DHX36: variants seen among roughly 807,000 people sequenced by gnomAD.
The protein encoded by DHX36 is ATP-dependent DNA/RNA helicase DHX36.
In DHX36, 50 loss-of-function variants were observed where a neutral mutation model predicts 139.0. That is an observed-to-expected ratio of 0.36 (90% confidence interval 0.29 to 0.46). The LOEUF is 0.46. Ranked by LOEUF, DHX36 falls within the 20% of genes least tolerant of loss-of-function variation. DHX36 has a pLI of 1.00. For missense variants in DHX36, 1,024 were observed against 1,211.3 expected, an observed-to-expected ratio of 0.85 and a Z score of 2.29; for synonymous variants, 425 against 401.9, an observed-to-expected ratio of 1.06 and a Z score of -0.69.
At chr3:154,317,472 G>A (rs963913824) in intron 1 of DHX36, among the ~76,000 whole-genome samples, 5 of 151,932 alleles carry the variant, frequency 3.3e-5, no homozygotes, top group Non-Finnish European at 5.9e-5. Flanking sequence ...GAGGACAGAC[G>A]GATGACCAAG....
At chr3:154,319,701 C>G (rs970165523) in intron 1 of DHX36, among the ~76,000 whole-genome samples, 1 of 152,090 alleles carries the variant, frequency 6.6e-6, no homozygotes, top group Non-Finnish European at 1.5e-5. Context: ...TGGTTTGCTT[C>G]TTTTAGTAAT....
At chr3:154,281,227 G>A (rs1559944675) in intron 20 of DHX36, among the ~76,000 whole-genome samples, 1 of 151,972 alleles carries the variant, frequency 6.6e-6, no homozygotes, top group Non-Finnish European at 1.5e-5. Flanking sequence ...TTTTGTGAAA[G>A]ACTAATAGAA....
At chr3:154,304,260 T>C (rs1467830712) in intron 8 of DHX36, among the ~76,000 whole-genome samples, 1 of 152,200 alleles carries the variant, frequency 6.6e-6, no homozygotes, top group Non-Finnish European at 1.5e-5. Context: ...TGAGGATTAA[T>C]TTTAAAAGAA....
Position 154,295,270 on chromosome 3 carries a change from T to A in DHX36, c.1605+14A>T. The A allele has an allele frequency of 6.7e-7, 1 of 1,501,698 alleles. No homozygotes were observed. Among genetic ancestry groups the A allele is most frequent in the Non-Finnish European group, 9.1e-7 (1 of 1,103,236 alleles). The allele number at this position is 1,501,698 out of a possible 1,614,324, so 93.0% of individuals were successfully genotyped here. A position where few individuals can be genotyped will look rare whatever the true frequency, so the allele number is the denominator to read the frequency against. On this transcript the variant is annotated intron_variant, in intron 13 of 24. Transcript: ENST00000496811. Reference sequence around the variant, plus strand: ...GTTTGAAATACATTTAACAAATGTATCCATTTAACATACCTGTGTCTGGTT... The same window carrying A: ...GTTTGAAATACATTTAACAAATGTAACCATTTAACATACCTGTGTCTGGTT...
At chr3:154,313,403 G>A (rs1712845133) in intron 3 of DHX36, among the ~76,000 whole-genome samples, 2 of 152,168 alleles carry the variant, frequency 1.3e-5, no homozygotes, top group South Asian at 4.1e-4. Flanking sequence ...AGCATAACTG[G>A]CTGGTGTGGC....
At chr3:154,317,708 G>T (rs1559960929) in intron 1 of DHX36, among the ~76,000 whole-genome samples, 1 of 152,054 alleles carries the variant, frequency 6.6e-6, no homozygotes. Flanking sequence ...GGTATTTTTG[G>T]TTTTTGAGGT....
intron 5 of DHX36, among the ~76,000 whole-genome samples, chr3:154,307,212 G>T (rs1478584312): frequency 6.6e-6 from 1 of 151,984 alleles, no homozygotes; most frequent in Non-Finnish European, 1.5e-5. Flanking sequence ...CATTGGTCTA[G>T]GCAAAGAATT....
chr3:154,275,163 T>A lies in DHX36; in HGVS notation c.*1008A>T, dbSNP rs442480. 0.91 allele frequency: 137,855 copies of A among 152,210 alleles called. 62,657 individuals carry two copies. The highest frequency in any genetic ancestry group is 1 in the East Asian group (5,145 of 5,156). The allele number at this position is 152,210 out of a possible 1,614,324, so 9.4% of individuals were successfully genotyped here. A position where few individuals can be genotyped will look rare whatever the true frequency, so the allele number is the denominator to read the frequency against. Reference sequence around the variant, plus strand: ...TTCCAACCCCAACCCCTCAAATACCTAAATCCATGGATGCTCAAGTCTTTT... The same window carrying A: ...TTCCAACCCCAACCCCTCAAATACCAAAATCCATGGATGCTCAAGTCTTTT... On this transcript the variant is annotated 3_prime_UTR_variant, in exon 25 of 25. Transcript: ENST00000496811.
chr3:154,286,990 T>C (rs1559947208), intron 17 of DHX36, among the ~76,000 whole-genome samples: 2 of 152,030 alleles, frequency 1.3e-5, no homozygotes, highest in Non-Finnish European at 2.9e-5. Flanking sequence ...TTTGTTCCAC[T>C]AGAAAACAAG....
Position 154,276,085 on chromosome 3 carries a change from T to C in DHX36, c.*86A>G. On this transcript the variant is annotated 3_prime_UTR_variant, in exon 25 of 25. Coordinates refer to ENST00000496811, the MANE Select transcript of DHX36 (RefSeq NM_020865.3). ...ACCTTACACATGAAAATTGTTCATGTCCCAGGGTTTGGCATCCAGCCAAAA... is the reference window on the plus strand; with the variant it reads ...ACCTTACACATGAAAATTGTTCATGCCCCAGGGTTTGGCATCCAGCCAAAA... 5 of 1,355,504 alleles carry C rather than the reference T, an allele frequency of 3.7e-6. No individual in the cohort carries two copies. In the South Asian group the frequency reaches 7.0e-5, roughly 19 times the overall value. The allele number at this position is 1,355,504 out of a possible 1,614,324, so 84.0% of individuals were successfully genotyped here. A position where few individuals can be genotyped will look rare whatever the true frequency, so the allele number is the denominator to read the frequency against.
chr3:154,293,174 G>A (rs192854756), intron 14 of DHX36, among the ~76,000 whole-genome samples: 52 of 152,168 alleles, frequency 3.4e-4, no homozygotes, highest in Non-Finnish European at 6.3e-4. Context: ...AGAAACAGGC[G>A]AAAGGACAAA....
chr3:154,300,910 CAAG>C, intron 10 of DHX36, 74 bp downstream of exon 10: 2 of 1,566,326 alleles, frequency 1.3e-6, no homozygotes, highest in South Asian at 2.3e-5. Context: ...CGTACAGATT[CAAG>C]AAGATGCCCC....
rs1711707416 is a variant in DHX36, at chr3:154,289,717, G to C, written c.1924C>G (p.Gln642Glu). Residue 642 changes from glutamine to glutamate, a missense_variant, in exon 16 of 25, where the codon CAA (glutamine) becomes GAA (glutamate). Gln to Glu is a conservative substitution (Grantham distance 29). Around this residue, in one of 4 missense-constraint regions of DHX36, gnomAD observed 470 missense variants for 616.2 expected, o/e 0.76. Transcript: ENST00000496811. The part of the protein sequence containing the change: ...LRTPLEELCL[Q>E]IKILRLGGIA... ...TCTCCCACCTAATTTACCTTTATTT[G>C]TAAACAAAGTTCTTCCAAAGGAGTT... The C allele has an allele frequency of 6.3e-7, 1 of 1,592,070 alleles. No homozygotes were observed. Among genetic ancestry groups the C allele is most frequent in the Admixed American group, 1.7e-5 (1 of 59,832 alleles).
intron 17 of DHX36, among the ~76,000 whole-genome samples, chr3:154,287,032 T>G (rs1576860153): frequency 6.6e-6 from 1 of 152,152 alleles, no homozygotes; most frequent in South Asian, 2.1e-4. Flanking sequence ...ATTAAGGCAA[T>G]GTGATACCAG....
chr3:154,288,006 G>A (rs1711610178), intron 17 of DHX36, among the ~76,000 whole-genome samples: 1 of 151,986 alleles, frequency 6.6e-6, no homozygotes, highest in Admixed American at 6.6e-5. Context: ...AGTTTAAGTG[G>A]TTTGCAACCA....
Position 154,322,737 on chromosome 3 carries a change from T to G in DHX36, c.243+1437A>C, listed in dbSNP as rs1473029406. On this transcript the variant is annotated intron_variant, in intron 1 of 24. Coordinates refer to ENST00000496811, the MANE Select transcript of DHX36 (RefSeq NM_020865.3). Reference sequence around the variant, plus strand: ...TTTAACTTTTCATCTGTTTAGGTATTATTTTCTCAGCTAGACTGTAAGCTC... The same window carrying G: ...TTTAACTTTTCATCTGTTTAGGTATGATTTTCTCAGCTAGACTGTAAGCTC... 3.9e-5 allele frequency among the ~76,000 whole-genome samples: 6 copies of G among 152,374 alleles called. No homozygotes were observed. The East Asian group carries it at 1.2e-3, about 29-fold the overall frequency.
intron 1 of DHX36, among the ~76,000 whole-genome samples, chr3:154,320,963 A>G (rs909019386): frequency 2.6e-5 from 4 of 152,244 alleles, no homozygotes; most frequent in African/African-American, 9.6e-5. Flanking sequence ...GACTTGCTAC[A>G]GTCCTTAGAA....
At chr3:154,285,807 A>G (rs1300784316) in intron 17 of DHX36, among the ~76,000 whole-genome samples, 1 of 147,306 alleles carries the variant, frequency 6.8e-6, no homozygotes, top group East Asian at 2.0e-4. Flanking sequence ...AATACACTTA[A>G]TTTTTTTTTT....
rs117237537 is a variant in DHX36 at position 154,304,523 on chromosome 3, G to T, written c.1135+283C>A. 2.8e-3 allele frequency among the ~76,000 whole-genome samples: 421 copies of T among 152,230 alleles called. 10 individuals are homozygous for T. The East Asian group carries it at 0.044, about 16-fold the overall frequency. ...AAAAGCCACAGAAAAACAACAGAAA[G>T]AAGTTTATAAAATTATGCAAATCTG... On this transcript the variant is annotated intron_variant, in intron 8 of 24. Transcript: ENST00000496811.
Sources: allele counts gnomAD v4.1 joint callset (sites outside exome capture counted in the v4.1 genomes callset), GRCh38; gene constraint gnomAD v4.1.1; regional missense constraint gnomAD v4.1.1; transcripts MANE v1.5; gene names NCBI Gene and HGNC (gene_info 2026-07-23, HGNC 2026-07-21).